Variants in HMCN1 observed in about 807,000 individuals in gnomAD.
The protein encoded by HMCN1 is hemicentin-1.
HMCN1 carries 321 observed loss-of-function variants against 625.9 expected under a neutral mutation model. That is an observed-to-expected ratio of 0.51 (90% CI 0.47 to 0.56). HMCN1 has a LOEUF of 0.56. Ranked by LOEUF, HMCN1 falls within the 20% of genes least tolerant of loss-of-function variation. HMCN1 has a pLI of 0.00. For synonymous variants in HMCN1, 2,425 were observed against 2,417.6 expected (o/e 1.00, Z -0.09); for missense variants, 6,588 against 6,887.3 (o/e 0.96, Z 1.54).
chr1:185,825,320 T>A (rs1235575844), intron 1 of HMCN1, among the ~76,000 whole-genome samples: 1 of 152,202 alleles, frequency 6.6e-6, no homozygotes, highest in Non-Finnish European at 1.5e-5. Flanking sequence ...TTTTCTATTA[T>A]GTCTGGTTTT....
At chr1:185,766,463 G>T (rs1353504349) in intron 1 of HMCN1, among the ~76,000 whole-genome samples, 2 of 152,114 alleles carry the variant, frequency 1.3e-5, no homozygotes, top group African/African-American at 4.8e-5. Flanking sequence ...CAGGATAATG[G>T]TGAACCACAA....
chr1:186,165,817 T>C (rs185070699), intron 98 of HMCN1, among the ~76,000 whole-genome samples: 56 of 152,332 alleles, frequency 3.7e-4, no homozygotes, highest in Admixed American at 3.3e-3. Flanking sequence ...TTATGTAACT[T>C]CTTTTTTCCT....
chr1:185,804,196 T>C (rs1224610775), intron 1 of HMCN1, among the ~76,000 whole-genome samples: 2 of 152,072 alleles, frequency 1.3e-5, no homozygotes, highest in African/African-American at 2.4e-5. Context: ...TTAGTTTTCC[T>C]AGTAACACTA....
At chr1:186,145,258 G>A (rs1650237621) in intron 91 of HMCN1, 145 bp from the exon 92 acceptor site, 3 of 705,744 alleles carry the variant, frequency 4.3e-6, no homozygotes, top group Non-Finnish European at 6.9e-6. Flanking sequence ...ATCTTCCTTT[G>A]GAAGTTGCCT....
At chr1:186,093,280 CT>C (rs1558217458) in intron 65 of HMCN1, 22 bp downstream of exon 65, 28 of 1,613,162 alleles carry the variant, frequency 1.7e-5, no homozygotes, top group Non-Finnish European at 2.3e-5. Flanking sequence ...ATATCCCCCT[CT>C]TTTGATGATG....
intron 10 of HMCN1, among the ~76,000 whole-genome samples, chr1:185,929,269 A>G (rs777279301): frequency 1.3e-4 from 20 of 152,162 alleles, no homozygotes; most frequent in Admixed American, 5.2e-4. Context: ...AGTGGCTACA[A>G]TATTCGCACT....
intron 30 of HMCN1, among the ~76,000 whole-genome samples, chr1:186,010,753 A>G (rs1653947900): frequency 6.6e-6 from 1 of 152,214 alleles, no homozygotes; most frequent in Non-Finnish European, 1.5e-5. Context: ...CGATAGCAGG[A>G]CTTGGCAAAC....
intron 56 of HMCN1, 118 bp downstream of exon 56, chr1:186,081,512 TAACC>T (rs1287662265): frequency 2.8e-6 from 2 of 720,658 alleles, no homozygotes; most frequent in Non-Finnish European, 4.6e-6. Flanking sequence ...TTTGTAAAAA[TAACC>T]AACCATCAAA....
In HMCN1 at chr1:186,047,093, A is replaced by G. The variant is rs79073436; in HGVS notation, c.6480+1230A>G. On this transcript the variant is annotated intron_variant, in intron 41 of 106. Transcript: ENST00000271588. ...GGCAGTAAGCTGGGCAGCTTACCCA[A>G]GGAAGACAGAAGCATGGGTGTGAGT... is the stretch of plus-strand genomic sequence containing the variant. Among the ~76,000 whole-genome samples the G allele has an allele frequency of 9.1e-3, 1,391 of 152,252 alleles. 23 individuals are homozygous for G. Among genetic ancestry groups the G allele is most frequent in the African/African-American group, 0.032 (1,342 of 41,570 alleles).
At chr1:185,770,484 C>G (rs147814144) in intron 1 of HMCN1, among the ~76,000 whole-genome samples, 3 of 152,222 alleles carry the variant, frequency 2.0e-5, no homozygotes, top group South Asian at 2.1e-4. Context: ...TGGCATATGG[C>G]TAGCTATGAT....
intron 31 of HMCN1, 66 bp from the exon 32 acceptor site, chr1:186,015,892 T>G: frequency 7.0e-7 from 1 of 1,431,720 alleles, no homozygotes; most frequent in Non-Finnish European, 9.8e-7. Flanking sequence ...CTCTTCTTTA[T>G]TTCATTAGAA....
intron 71 of HMCN1, among the ~76,000 whole-genome samples, chr1:186,109,524 G>C (rs899750496): frequency 5.3e-5 from 8 of 152,190 alleles, no homozygotes; most frequent in Admixed American, 6.5e-5. Context: ...GTTAGTCAAA[G>C]ATTATAGAAT....
At chr1:186,074,623 G>A in intron 52 of HMCN1, 118 bp from the exon 53 acceptor site, 2 of 853,760 alleles carry the variant, frequency 2.3e-6, no homozygotes, top group Non-Finnish European at 3.8e-6. Context: ...TGTCATGAAT[G>A]TTTTGCATAC....
intron 40 of HMCN1, among the ~76,000 whole-genome samples, chr1:186,044,476 G>A (rs1345868857): frequency 1.3e-5 from 2 of 152,076 alleles, no homozygotes; most frequent in African/African-American, 4.8e-5. Context: ...GAAACCTCAT[G>A]GTTACGGAGG....
chr1:186,180,110 A>C (rs1652848993), intron 104 of HMCN1, among the ~76,000 whole-genome samples: 1 of 152,152 alleles, frequency 6.6e-6, no homozygotes, highest in South Asian at 2.1e-4. Context: ...CCACGTGGTC[A>C]AATACTGTTT....
At chr1:185,908,652 G>A (rs1159557263) in intron 4 of HMCN1, among the ~76,000 whole-genome samples, 3 of 151,780 alleles carry the variant, frequency 2.0e-5, no homozygotes, top group African/African-American at 7.2e-5. Context: ...GATTTTTAAA[G>A]ACTATTTTTC....
chr1:186,045,971 C>A, intron 41 of HMCN1, 108 bp downstream of exon 41: 1 of 820,386 alleles, frequency 1.2e-6, no homozygotes, highest in Non-Finnish European at 1.9e-6. Flanking sequence ...CTAATTTTCT[C>A]TTACAAAATT....
intron 15 of HMCN1, among the ~76,000 whole-genome samples, chr1:185,971,826 C>T (rs1166499653): frequency 6.6e-6 from 1 of 152,048 alleles, no homozygotes; most frequent in African/African-American, 2.4e-5. Context: ...GGGGGAGAAT[C>T]AACAAAGCTG....
intron 34 of HMCN1, among the ~76,000 whole-genome samples, chr1:186,018,745 A>G (rs1654529171): frequency 6.6e-6 from 1 of 152,040 alleles, no homozygotes; most frequent in Non-Finnish European, 1.5e-5. Flanking sequence ...TAGCCAAAAC[A>G]AGAGGGATGG....
Sources: allele counts gnomAD v4.1 joint callset (sites outside exome capture counted in the v4.1 genomes callset), GRCh38; gene constraint gnomAD v4.1.1; transcripts MANE v1.5; gene names NCBI Gene and HGNC (gene_info 2026-07-23, HGNC 2026-07-21).